RUNX1T1: variants seen among roughly 807,000 people sequenced by gnomAD.
RUNX1T1 encodes the protein protein CBFA2T1.
In RUNX1T1, 4 loss-of-function variants were observed where a neutral mutation model predicts 62.8. That is an observed-to-expected ratio of 0.06 (90% CI 0.03 to 0.15). The LOEUF (loss-of-function observed/expected upper bound fraction) is 0.15, where lower values mean the gene tolerates loss of function less well. RUNX1T1 is among the 10% of genes least tolerant of loss of function. The probability of loss-of-function intolerance (pLI) is 1.00; values close to 1 mark genes in which losing one functional copy is unlikely to be tolerated. For missense variants in RUNX1T1, 508 were observed against 754.3 expected (o/e 0.67, Z 3.82); for synonymous variants, 291 against 286.0 (o/e 1.02, Z -0.18).
intron 1 of RUNX1T1, among the ~76,000 whole-genome samples, chr8:92,040,859 C>CA (rs943979821): frequency 2.6e-5 from 4 of 151,280 alleles, no homozygotes; most frequent in Non-Finnish European, 4.4e-5. Flanking sequence ...GAGATATGAT[C>CA]AAAAAAAATA....
At chr8:91,983,684 T>C (rs1192676641) in intron 8 of RUNX1T1, among the ~76,000 whole-genome samples, 1 of 152,118 alleles carries the variant, frequency 6.6e-6, no homozygotes, top group African/African-American at 2.4e-5. Context: ...TCACAGAAAA[T>C]AGATTTATCA....
chr8:92,001,475 C>A (rs1227545552), intron 5 of RUNX1T1, among the ~76,000 whole-genome samples: 3 of 152,292 alleles, frequency 2.0e-5, no homozygotes, highest in Middle Eastern at 3.4e-3. Flanking sequence ...TAATGTTTAA[C>A]CCTTGGGGGA....
intron 1 of RUNX1T1, among the ~76,000 whole-genome samples, chr8:92,088,248 T>C (rs1413646306): frequency 1.3e-5 from 2 of 152,188 alleles, no homozygotes; most frequent in South Asian, 2.1e-4. Context: ...CCAATCCCAA[T>C]ATCATCTGCT....
exon 1 of RUNX1T1, chr8:92,062,846 A>T (rs750239657): frequency 8.4e-5 from 119 of 1,415,420 alleles, no homozygotes; most frequent in Non-Finnish European, 1.0e-4. Context: ...ATGTGTGTGC[A>T]AAGTATCACA....
intron 1 of RUNX1T1, among the ~76,000 whole-genome samples, chr8:92,047,746 TGGATTTAAAAAAAAAAA>T (rs1452790572): frequency 8.7e-4 from 131 of 150,114 alleles, no homozygotes; most frequent in Non-Finnish European, 1.8e-3. Flanking sequence ...CTAGGCACTA[TGGATTTAAAAAAAAAAA>T]AAAGATACAA....
intron 1 of RUNX1T1, among the ~76,000 whole-genome samples, chr8:92,033,906 TTGCAGTGAGCTGAGAC>T (rs2131333958): frequency 6.6e-6 from 1 of 151,852 alleles, no homozygotes; most frequent in South Asian, 2.1e-4. Flanking sequence ...GAGGTGGAGG[TTGCAGTGAGCTGAGAC>T]TGCACCACCG....
At chr8:92,024,436 G>C (rs1396038776) in intron 1 of RUNX1T1, among the ~76,000 whole-genome samples, 3 of 140,888 alleles carry the variant, frequency 2.1e-5, no homozygotes, top group Non-Finnish European at 4.5e-5. Context: ...TTGAGCCTGG[G>C]AGGCAGAGGC....
At chr8:92,099,406 C>T (rs77577933) in intron 1 of RUNX1T1, among the ~76,000 whole-genome samples, 3 of 152,290 alleles carry the variant, frequency 2.0e-5, no homozygotes, top group African/African-American at 7.2e-5. Context: ...AAAAGCAACT[C>T]CATTCCATAA....
intron 1 of RUNX1T1, chr8:92,081,386 C>A (rs376605486): frequency 9.7e-6 from 3 of 308,816 alleles, no homozygotes; most frequent in Non-Finnish European, 9.5e-6. Flanking sequence ...CAATCATAAT[C>A]TTTTTCTTTC....
intron 4 of RUNX1T1, 142 bp downstream of exon 5, chr8:92,010,860 G>C (rs372907095): frequency 3.8e-6 from 2 of 526,048 alleles, no homozygotes; most frequent in African/African-American, 1.9e-5. Context: ...CTTAGGAAAT[G>C]GTCATAAATA....
chr8:91,959,425 T>C (rs938960808), exon 11 of RUNX1T1: 2 of 93,698 alleles, frequency 2.1e-5, no homozygotes, highest in African/African-American at 8.4e-5. Context: ...TGTGTGTGTG[T>C]GTGTGTGTGT....
intron 1 of RUNX1T1, among the ~76,000 whole-genome samples, chr8:92,093,673 T>C (rs1586014250): frequency 2.0e-5 from 3 of 152,274 alleles, no homozygotes; most frequent in Admixed American, 6.5e-5. Context: ...TTATGAGATA[T>C]AGATTTAGCA....
chr8:91,959,488 G>GTGTGTGTA (rs1405432738), exon 11 of RUNX1T1: 17 of 84,810 alleles, frequency 2.0e-4, no homozygotes, highest in African/African-American at 8.0e-4. Flanking sequence ...GTGTGTGTGT[G>GTGTGTGTA]TATATATATA....
chr8:91,970,121 T>G (rs1251142597), intron 10 of RUNX1T1, among the ~76,000 whole-genome samples: 1 of 151,900 alleles, frequency 6.6e-6, no homozygotes, highest in African/African-American at 2.4e-5. Flanking sequence ...TGTTATGCTA[T>G]GAAATGACCA....
At chr8:92,061,941 G>A (rs569307971) in intron 1 of RUNX1T1, among the ~76,000 whole-genome samples, 10 of 152,280 alleles carry the variant, frequency 6.6e-5, no homozygotes, top group Admixed American at 2.0e-4. Context: ...ATATTTTTCA[G>A]AGGAAACTGA....
At chr8:92,056,097 C>G (rs1011806075) in intron 1 of RUNX1T1, among the ~76,000 whole-genome samples, 1 of 152,156 alleles carries the variant, frequency 6.6e-6, no homozygotes, top group African/African-American at 2.4e-5. Flanking sequence ...TATGTATTTT[C>G]CTCCTAATAA....
At chr8:92,049,506 T>A (rs548192690) in intron 1 of RUNX1T1, among the ~76,000 whole-genome samples, 2 of 152,224 alleles carry the variant, frequency 1.3e-5, no homozygotes. Context: ...CTGCAGGACA[T>A]CAAAAAACAT....
At chr8:92,071,308 G>C (rs1389034016) in intron 2 of RUNX1T1, 1 of 152,066 alleles carries the variant, frequency 6.6e-6, no homozygotes, top group Admixed American at 6.6e-5. Context: ...TGAGCTACTA[G>C]CTCCACACCA....
At chr8:92,070,293 A>G (rs752106443) in intron 2 of RUNX1T1, among the ~76,000 whole-genome samples, 22 of 152,362 alleles carry the variant, frequency 1.4e-4, no homozygotes, top group Middle Eastern at 3.4e-3. Flanking sequence ...ACCTGCCAAG[A>G]GTTTGTTGGT....
Sources: allele counts gnomAD v4.1 joint callset (sites outside exome capture counted in the v4.1 genomes callset), GRCh38; gene constraint gnomAD v4.1.1; transcripts MANE v1.5; gene names NCBI Gene and HGNC (gene_info 2026-07-23, HGNC 2026-07-21).